The following C3orf20 variants were observed in gnomAD, a reference collection of about 807,000 sequenced individuals.
C3orf20 encodes uncharacterized protein C3orf20.
Under a neutral mutation model 88.3 loss-of-function variants are expected in C3orf20, and 76 were observed. The ratio of observed to expected loss-of-function variants is 0.86; its 90% CI spans 0.72 to 1.04. C3orf20 has a LOEUF of 1.04. C3orf20 is among the 50% of genes least tolerant of loss of function. The pLI is 0.00. For synonymous variants in C3orf20, 436 were observed against 437.4 expected (o/e 1.00, Z 0.04); for missense variants, 1,056 against 1,123.3 (o/e 0.94, Z 0.86).
intron 9 of C3orf20, among the ~76,000 whole-genome samples, chr3:14,717,214 T>C (rs1051163983): frequency 1.3e-5 from 2 of 152,228 alleles, no homozygotes; most frequent in African/African-American, 4.8e-5. Context: ...CTCATGGTAC[T>C]TTCATGAGAA....
chr3:14,763,693 C>T (rs1008065694), intron 15 of C3orf20, among the ~76,000 whole-genome samples: 11 of 152,124 alleles, frequency 7.2e-5, no homozygotes, highest in Admixed American at 4.6e-4. Context: ...TTCATAGCTG[C>T]GTGAACTGTG....
At chr3:14,692,149 G>A (rs1012234514) in intron 5 of C3orf20, among the ~76,000 whole-genome samples, 1 of 152,174 alleles carries the variant, frequency 6.6e-6, no homozygotes, top group Non-Finnish European at 1.5e-5. Flanking sequence ...ATCTGTTGTT[G>A]ATTGACACTT....
rs766086884 is a variant in C3orf20 at position 14,772,872 on chromosome 3, G to T, written c.2712G>T (p.Lys904Asn). 1 of 1,613,552 alleles carries T rather than the reference G, an allele frequency of 6.2e-7. No individual in the cohort carries two copies. Among genetic ancestry groups the T allele is most frequent in the South Asian group, 1.1e-5 (1 of 91,068 alleles). The change falls in exon 17 of 17, where the codon AAG becomes AAT. Residue 904 changes from lysine (K) to asparagine (N), a missense_variant. Lys to Asn is a moderately conservative substitution (Grantham distance 94). Transcript: ENST00000253697. The surrounding 1 kb of genome is among the most constrained non-coding windows in gnomAD (Gnocchi z 4.2). ...GTTGGAAGAAGCAGGCCTCCAAGAA[G>T]TAGCGCCATCCTGGCAGCAGCCAAG... ...ITSWKKQASKK is the reference protein window; with the variant it reads ...ITSWKKQASKN
Position 14,754,756 on chromosome 3 carries a change from G to C in C3orf20, c.1941-2615G>C, listed in dbSNP as rs1027160034. On this transcript the variant is annotated intron_variant, in intron 12 of 16. Coordinates refer to ENST00000253697, the MANE Select transcript of C3orf20 (RefSeq NM_032137.5). ...TTATTTATTTTAGAGACAGGGTCTT[G>C]CTCTGTCTGCCAGGCTGGAGTGCAT... 3.9e-5 allele frequency among the ~76,000 whole-genome samples: 6 copies of C among 152,006 alleles called. No homozygotes were observed. In the East Asian group the frequency reaches 9.6e-4, roughly 24 times the overall value.
intron 13 of C3orf20, 71 bp downstream of exon 13, chr3:14,757,745 C>A: frequency 6.9e-7 from 1 of 1,442,894 alleles, no homozygotes; most frequent in Non-Finnish European, 9.4e-7. Context: ...GAGAAAACCC[C>A]CACAGTGCTA....
At chr3:14,686,723 ACAGGTG>A (rs2032451085) in intron 4 of C3orf20, among the ~76,000 whole-genome samples, 1 of 152,188 alleles carries the variant, frequency 6.6e-6, no homozygotes, top group Non-Finnish European at 1.5e-5. Flanking sequence ...TGGTAAATAC[ACAGGTG>A]TTCATTTTGA....
Position 14,721,776 on chromosome 3 carries a change from G to A in C3orf20, c.1558G>A (p.Asp520Asn). The A allele has an allele frequency of 6.2e-7, 1 of 1,614,154 alleles. No homozygotes were observed. Among genetic ancestry groups the A allele is most frequent in the Non-Finnish European group, 8.5e-7 (1 of 1,180,012 alleles). Reference sequence around the variant, plus strand: ...CAATTGTCCCCATGGAATGGCATATGACAAACGGGTAAGGCAAGGCAGACT... The same window carrying A: ...CAATTGTCCCCATGGAATGGCATATAACAAACGGGTAAGGCAAGGCAGACT... ...ANNCPHGMAY[D>N]KRLNRRISNM... Residue 520 changes from aspartate to asparagine, a missense_variant, in exon 10 of 17, where the codon GAC becomes AAC. Transcript: ENST00000253697.
At chr3:14,698,629 GTCTC>G (rs1442373341) in intron 5 of C3orf20, among the ~76,000 whole-genome samples, 1 of 152,190 alleles carries the variant, frequency 6.6e-6, no homozygotes, top group African/African-American at 2.4e-5. Context: ...AACAAATGGA[GTCTC>G]TCTCTGTGCT....
intron 12 of C3orf20, among the ~76,000 whole-genome samples, chr3:14,732,793 T>A (rs183636321): frequency 3.0e-4 from 46 of 152,282 alleles, no homozygotes; most frequent in African/African-American, 1.1e-3. Context: ...TCACAAAAAT[T>A]TCTGCTATGT....
At chr3:14,724,475 C>T (rs995582158) in intron 10 of C3orf20, among the ~76,000 whole-genome samples, 3 of 152,168 alleles carry the variant, frequency 2.0e-5, no homozygotes, top group African/African-American at 7.2e-5. Flanking sequence ...CTTAAAGCAA[C>T]CTCCTCAAGC....
chr3:14,755,864 C>A (rs1412704719), intron 12 of C3orf20, among the ~76,000 whole-genome samples: 2 of 151,744 alleles, frequency 1.3e-5, no homozygotes, highest in Non-Finnish European at 2.9e-5. Flanking sequence ...CCCGTCTCTA[C>A]TAAAAATACA....
chr3:14,678,138 C>T (rs187808217), intron 1 of C3orf20, among the ~76,000 whole-genome samples: 39 of 152,288 alleles, frequency 2.6e-4, no homozygotes, highest in Non-Finnish European at 4.4e-4. Flanking sequence ...CTGTGCCCAT[C>T]GCCTGTAATA....
chr3:14,726,432 C>T (rs1441204365), intron 10 of C3orf20, among the ~76,000 whole-genome samples: 2 of 152,188 alleles, frequency 1.3e-5, no homozygotes, highest in Non-Finnish European at 2.9e-5. Context: ...AGAGGGAGGC[C>T]GGCAGAGAAC....
chr3:14,679,158 CTTTTTGTTTTTG>C (rs374242501), intron 1 of C3orf20, among the ~76,000 whole-genome samples: 1 of 152,124 alleles, frequency 6.6e-6, no homozygotes, highest in Non-Finnish European at 1.5e-5. Context: ...CAGTTCTTTC[CTTTTTGTTTTTG>C]TTTTTGTTTT....
chr3:14,757,431 G>C lies in C3orf20; in HGVS notation c.2001G>C (p.Pro667=), dbSNP rs375154586. 4.5e-5 allele frequency: 72 copies of C among 1,612,238 alleles called. No homozygotes were observed. In the South Asian group the frequency reaches 4.7e-4, roughly 11 times the overall value. ...TRWAALPSDC[P]LVLRKLMLKE... ...GGGCGGCCTTGCCCTCAGACTGCCC[G>C]CTGGTGCTGCGGAAGCTCATGCTCA... The change falls in exon 13 of 17, where the codon CCG becomes CCC. Residue 667 remains proline (P), a synonymous_variant. Transcript: ENST00000253697.
intron 14 of C3orf20, 148 bp downstream of exon 14, chr3:14,760,146 G>A (rs1183100241): frequency 1.0e-5 from 7 of 688,362 alleles, no homozygotes; most frequent in African/African-American, 3.5e-5. Context: ...CTGAGGCCCA[G>A]AGAGCAGGAA....
At position 14,683,121 on chromosome 3, in the gene C3orf20, G is replaced by T; in HGVS notation, c.408G>T (p.Arg136Ser). The T allele has an allele frequency of 6.2e-7, 1 of 1,614,152 alleles. No homozygotes were observed. The change falls in exon 3 of 17, where the codon AGG (arginine) becomes AGT (serine). Residue 136 changes from arginine (R) to serine (S), a missense_variant. Coordinates refer to ENST00000253697, the MANE Select transcript of C3orf20 (RefSeq NM_032137.5). ...GCACCCACCAGGAGACCCTGAACAG[G>T]TTTCAGCAGCAGTCCATCCACCTGC... ...QVRTHQETLN[R>S]FQQQSIHLLT... is the part of the protein sequence containing the mutation.
chr3:14,744,483 C>A (rs2035003975), intron 12 of C3orf20, among the ~76,000 whole-genome samples: 1 of 151,994 alleles, frequency 6.6e-6, no homozygotes, highest in Admixed American at 6.5e-5. Flanking sequence ...CTGTTCCAAC[C>A]TTTGTCTGTT....
At chr3:14,769,042 G>A (rs2035793367) in intron 15 of C3orf20, among the ~76,000 whole-genome samples, 1 of 152,020 alleles carries the variant, frequency 6.6e-6, no homozygotes, top group African/African-American at 2.4e-5. Context: ...CCATCATTTG[G>A]TTCATTCGTT....
Sources: allele counts gnomAD v4.1 joint callset (sites outside exome capture counted in the v4.1 genomes callset), GRCh38; gene constraint gnomAD v4.1.1; non-coding constraint Gnocchi (gnomAD v3.1); transcripts MANE v1.5; gene names NCBI Gene and HGNC (gene_info 2026-07-23, HGNC 2026-07-21).